LSM5: variants seen among roughly 807,000 people sequenced by gnomAD.
LSM5 encodes LSM5 homolog, U6 small nuclear RNA and mRNA degradation associated, also known as U6 snRNA-associated Sm-like protein LSm5.
A neutral mutation model predicts 13.8 loss-of-function variants in LSM5; 8 were observed. The observed-to-expected ratio is 0.58, with a 90% CI of 0.34 to 1.04. The LOEUF (loss-of-function observed/expected upper bound fraction) is 1.04. Ranked by LOEUF, LSM5 falls within the 50% of genes least tolerant of loss-of-function variation. The pLI is 0.03. For missense variants in LSM5, 80 were observed against 108.1 expected, an observed-to-expected ratio of 0.74 and a Z score of 1.15; for synonymous variants, 35 against 37.0, an observed-to-expected ratio of 0.95 and a Z score of 0.20.
At chr7:32,491,363 C>G (rs1786581405), upstream of LSM5, among the ~76,000 whole-genome samples, 1 of 142,300 alleles carries the variant, frequency 7.0e-6, no homozygotes, top group South Asian at 2.2e-4. Context: ...TGCAACTGCA[C>G]TCCAGCCTGA....
At chr7:32,490,151 T>C in intron 1 of LSM5, 169 bp downstream of exon 1, 1 of 1,544,276 alleles carries the variant, frequency 6.5e-7, no homozygotes, top group South Asian at 1.2e-5. Flanking sequence ...CCGACCACGT[T>C]AAAGAGCAGG....
chr7:32,489,338 A>G lies in LSM5; in HGVS notation c.53T>C (p.Val18Ala). ...NPSQLLPLEL[V>A]DKCIGSRIHI... ...AATTCTTGATCCTATACATTTGTCC[A>G]CAAGCTCTGAGGAGGGAAAAAATAT... Residue 18 changes from valine (V) to alanine (A), a missense_variant, in exon 2 of 5, where the codon GTG (valine) becomes GCG (alanine). Transcript: ENST00000450169. The G allele has an allele frequency of 6.3e-7, 1 of 1,585,014 alleles. No individual in the cohort carries two copies. The highest frequency in any genetic ancestry group is 8.6e-7 in the Non-Finnish European group (1 of 1,158,478).
At chr7:32,488,604 C>G (rs574297033) in intron 3 of LSM5, 21 bp downstream of exon 3, 2 of 1,557,722 alleles carry the variant, frequency 1.3e-6, no homozygotes, top group Non-Finnish European at 1.8e-6. Context: ...AGATTCCCCC[C>G]AATTCTTTAA....
chr7:32,488,755 G>A (rs1786506046), intron 2 of LSM5, 103 bp from the exon 3 acceptor site: 8 of 786,826 alleles, frequency 1.0e-5, no homozygotes, highest in Admixed American at 4.0e-5. Context: ...ACAAAGTCTC[G>A]CTCTGTCATC....
At chr7:32,489,740 G>C (rs1332979563) in intron 1 of LSM5, 2 of 293,832 alleles carry the variant, frequency 6.8e-6, no homozygotes, top group East Asian at 1.9e-4. Flanking sequence ...GCATTATGTG[G>C]CATGATGTCT....
rs1296431361 is a variant in LSM5 at position 32,487,175 on chromosome 7, T to G, written c.*86A>C. ...AACGGGAAACTTAGCTTTATGGGAT[T>G]TAAACATTAGAAAGTGGGAAAAAAA... On this transcript the variant is annotated 3_prime_UTR_variant, in exon 5 of 5. Coordinates refer to ENST00000450169, the MANE Select transcript of LSM5 (RefSeq NM_012322.3). The G allele has an allele frequency of 5.0e-6, 6 of 1,207,068 alleles. No individual in the cohort carries two copies. The Middle Eastern group carries it at 7.6e-4, about 153-fold the overall frequency. The allele number at this position is 1,207,068 out of a possible 1,614,324, so 74.8% of individuals were successfully genotyped here.
chr7:32,493,827 C>T (rs1378518590), upstream of LSM5, among the ~76,000 whole-genome samples: 2 of 151,868 alleles, frequency 1.3e-5, no homozygotes, highest in African/African-American at 4.8e-5. Flanking sequence ...CAGCATGAGC[C>T]ACCACGCCTG....
At chr7:32,491,961 A>G (rs1562739822), upstream of LSM5, among the ~76,000 whole-genome samples, 1 of 152,234 alleles carries the variant, frequency 6.6e-6, no homozygotes, top group Non-Finnish European at 1.5e-5. Context: ...CGCCTAATGA[A>G]TATTCTTTAA....
upstream of LSM5, among the ~76,000 whole-genome samples, chr7:32,493,322 T>C (rs923478477): frequency 7.2e-5 from 11 of 152,174 alleles, no homozygotes; most frequent in Admixed American, 3.9e-4. Flanking sequence ...CTCATTACAT[T>C]GCTCAGGTTG....
At chr7:32,493,292 A>AT (rs2128106618), upstream of LSM5, among the ~76,000 whole-genome samples, 1 of 152,054 alleles carries the variant, frequency 6.6e-6, no homozygotes, top group African/African-American at 2.4e-5. Flanking sequence ...ATTTTTTATT[A>AT]TTTTTTGTAG....
chr7:32,486,783 G>T lies in LSM5; in HGVS notation c.*478C>A, dbSNP rs1211383306. 1 of 171,584 alleles carries T rather than the reference G, an allele frequency of 5.8e-6. No individual in the cohort carries two copies. The highest frequency in any genetic ancestry group is 2.4e-5 in the African/African-American group (1 of 41,530). 10.6% of individuals were successfully genotyped at this position (171,584 alleles called of 1,614,324 possible). On this transcript the variant is annotated 3_prime_UTR_variant, in exon 5 of 5. Coordinates refer to ENST00000450169, the MANE Select transcript of LSM5 (RefSeq NM_012322.3). ...TTTTCAATAGGAGTTCATGGAATTT[G>T]AAATCAGAAGAAAAATCCTCATTAC...
upstream of LSM5, among the ~76,000 whole-genome samples, chr7:32,492,384 G>A (rs552751851): frequency 2.0e-5 from 3 of 152,256 alleles, no homozygotes; most frequent in African/African-American, 7.2e-5. Context: ...TTAGCTAGGT[G>A]TGGTGGCACA....
intron 1 of LSM5, chr7:32,489,693 C>A: frequency 3.4e-6 from 1 of 297,596 alleles, no homozygotes. Context: ...ATCCTCTGTG[C>A]TCTGACGGTA....
chr7:32,490,099 G>A, intron 1 of LSM5: 1 of 1,517,936 alleles, frequency 6.6e-7, no homozygotes, highest in Non-Finnish European at 8.8e-7. Context: ...CTTTTCCAGT[G>A]AAGGTCTGGT....
At chr7:32,489,791 T>G (rs1339101073) in intron 1 of LSM5, among the ~76,000 whole-genome samples, 3 of 152,310 alleles carry the variant, frequency 2.0e-5, no homozygotes, top group Non-Finnish European at 2.9e-5. Flanking sequence ...TGTGTGCTAT[T>G]TGAAGGCAAT....
At chr7:32,493,938 A>C (rs1583466685), upstream of LSM5, among the ~76,000 whole-genome samples, 1 of 149,146 alleles carries the variant, frequency 6.7e-6, no homozygotes, top group South Asian at 2.1e-4. Flanking sequence ...TGCAACCTCC[A>C]CCTCCCGGAT....
intron 1 of LSM5, chr7:32,489,964 C>G (rs1389582582): frequency 9.5e-6 from 11 of 1,156,140 alleles, no homozygotes; most frequent in African/African-American, 3.2e-5. Flanking sequence ...CAACCACATA[C>G]ATAACATGGT....
upstream of LSM5, chr7:32,490,650 A>C (rs1391705319): frequency 2.2e-6 from 1 of 464,224 alleles, no homozygotes; most frequent in Admixed American, 3.5e-5. Flanking sequence ...TGTTCCTGTA[A>C]CGTTTGAGTC....
At chr7:32,487,982 C>A in intron 3 of LSM5, 6 of 442,180 alleles carry the variant, frequency 1.4e-5, no homozygotes, top group South Asian at 5.5e-5. Flanking sequence ...GTCTATCAGA[C>A]AGAGCTTCAT....
Sources: gnomAD v4.1 joint callset for allele counts (sites outside exome capture counted in the v4.1 genomes callset) on GRCh38, gnomAD v4.1.1 for gene constraint, MANE v1.5 for transcripts, NCBI Gene and HGNC (gene_info 2026-07-23, HGNC 2026-07-21) for gene names.